ZFHX3: variants seen among roughly 807,000 people sequenced by gnomAD.
ZFHX3 encodes zinc finger homeobox protein 3.
Under a neutral mutation model 279.1 loss-of-function variants are expected in ZFHX3, and 42 were observed. The ratio of observed to expected loss-of-function variants is 0.15; its 90% CI spans 0.12 to 0.19. The LOEUF is 0.19. Among genes scored for constraint, ZFHX3 ranks in the 10% least tolerant of loss-of-function variants. The pLI, the probability that ZFHX3 is intolerant of heterozygous loss-of-function variation, is 1.00. For synonymous variants in ZFHX3, 2,293 were observed against 1,957.8 expected (o/e 1.17, Z -4.52); for missense variants, 4,981 against 4,754.0 (o/e 1.05, Z -1.40).
chr16:73,813,197 C>A (rs1960470842), intron 1 of ZFHX3, among the ~76,000 whole-genome samples: 1 of 151,856 alleles, frequency 6.6e-6, no homozygotes, highest in South Asian at 2.1e-4. Flanking sequence ...TCCTCATCCC[C>A]TGCCAACTGT....
At chr16:73,780,270 C>T (rs2142302588) in intron 1 of ZFHX3, among the ~76,000 whole-genome samples, 1 of 151,096 alleles carries the variant, frequency 6.6e-6, no homozygotes, top group South Asian at 2.1e-4. Flanking sequence ...GCCTCAGCCT[C>T]CTGAGTAGCT....
intron 1 of ZFHX3, among the ~76,000 whole-genome samples, chr16:73,012,334 A>T (rs906803365): frequency 3.3e-5 from 5 of 152,208 alleles, no homozygotes; most frequent in Non-Finnish European, 7.3e-5. Context: ...CAAATTTTCT[A>T]CTACAAGTGA....
chr16:73,388,442 T>C (rs982714966), intron 3 of ZFHX3, among the ~76,000 whole-genome samples: 4 of 152,172 alleles, frequency 2.6e-5, no homozygotes, highest in African/African-American at 9.6e-5. Context: ...ACCTTGAAAC[T>C]ATATAACCAT....
intron 3 of ZFHX3, among the ~76,000 whole-genome samples, chr16:73,320,858 C>G (rs766388947): frequency 6.6e-6 from 1 of 152,148 alleles, no homozygotes; most frequent in Non-Finnish European, 1.5e-5. Flanking sequence ...GCCTTCACAC[C>G]GGCAAATGTC....
chr16:73,268,567 T>C (rs2014049205), intron 4 of ZFHX3, among the ~76,000 whole-genome samples: 1 of 152,224 alleles, frequency 6.6e-6, no homozygotes, highest in Admixed American at 6.5e-5. Flanking sequence ...ACTTGCTTGT[T>C]TTCATCCAAT....
At chr16:73,127,726 T>C (rs574261025) in intron 7 of ZFHX3, 1 of 825,948 alleles carries the variant, frequency 1.2e-6, no homozygotes, top group South Asian at 1.7e-5. Flanking sequence ...TTGAAACTAA[T>C]GGCTGCAGAG....
intron 5 of ZFHX3, among the ~76,000 whole-genome samples, chr16:73,175,280 T>C (rs556518423): frequency 4.0e-5 from 6 of 149,258 alleles, no homozygotes; most frequent in African/African-American, 1.2e-4. Flanking sequence ...CTTGAGATGC[T>C]GAGGCAGGAG....
At chr16:73,679,533 T>C (rs1471066652) in intron 2 of ZFHX3, 3 of 152,144 alleles carry the variant, frequency 2.0e-5, no homozygotes, top group East Asian at 1.9e-4. Context: ...TTTTCTCTTA[T>C]GTAAAACAAA....
intron 2 of ZFHX3, among the ~76,000 whole-genome samples, chr16:73,561,756 A>C (rs2020372965): frequency 6.6e-6 from 1 of 152,186 alleles, no homozygotes; most frequent in Admixed American, 6.5e-5. Flanking sequence ...TATTCCTCAA[A>C]AGGAAACAAA....
intron 5 of ZFHX3, among the ~76,000 whole-genome samples, chr16:73,191,510 C>A (rs756824559): frequency 2.0e-5 from 3 of 152,106 alleles, no homozygotes. Flanking sequence ...TTGGAGAAAG[C>A]TTTGACGTAA....
intron 2 of ZFHX3, among the ~76,000 whole-genome samples, chr16:73,634,262 C>G (rs1334685884): frequency 1.3e-5 from 2 of 151,574 alleles, no homozygotes; most frequent in African/African-American, 4.8e-5. Context: ...ATTTTCTTCT[C>G]TGCCAAAAAG....
intron 5 of ZFHX3, among the ~76,000 whole-genome samples, chr16:73,209,527 C>T (rs2011934472): frequency 6.6e-6 from 1 of 152,200 alleles, no homozygotes; most frequent in African/African-American, 2.4e-5. Context: ...AGCAAACCCA[C>T]TTCCACAAGC....
chr16:73,127,588 G>C, intron 7 of ZFHX3: 1 of 1,304,076 alleles, frequency 7.7e-7, no homozygotes, highest in Non-Finnish European at 1.0e-6. Flanking sequence ...GACAGCCACT[G>C]ACCACGGAGC....
At chr16:73,446,517 A>G (rs2041976706) in intron 3 of ZFHX3, among the ~76,000 whole-genome samples, 1 of 152,218 alleles carries the variant, frequency 6.6e-6, no homozygotes, top group South Asian at 2.1e-4. Flanking sequence ...ATCTCCCACA[A>G]GGTCCCTCCC....
intron 5 of ZFHX3, among the ~76,000 whole-genome samples, chr16:73,220,578 T>C (rs2012380327): frequency 6.6e-6 from 1 of 152,178 alleles, no homozygotes; most frequent in Non-Finnish European, 1.5e-5. Context: ...GTGTGCATTA[T>C]TTTCTAAAAT....
intron 2 of ZFHX3, among the ~76,000 whole-genome samples, chr16:73,644,710 A>G (rs988879849): frequency 5.9e-5 from 9 of 152,066 alleles, no homozygotes; most frequent in African/African-American, 2.2e-4. Flanking sequence ...AGTTTCCAGT[A>G]TAAGACACAT....
At position 73,452,329 on chromosome 16, in the gene ZFHX3, T is replaced by C. The variant is rs1423893994; in HGVS notation, c.-1291+3674A>G. On this transcript the variant is annotated intron_variant, in intron 3 of 17. Coordinates refer to the ZFHX3 transcript ENST00000641206. ...TATTCTCACTGAAACATTAATGAGA[T>C]TTTAATTTACTGCTTTAAAAACACA... is the stretch of plus-strand genomic sequence containing the variant. Among the ~76,000 whole-genome samples, 3 of 152,168 alleles carry C rather than the reference T, an allele frequency of 2.0e-5. No homozygotes were observed. The East Asian group carries it at 5.8e-4, about 29-fold the overall frequency.
chr16:72,954,019 C>T (rs368280994), intron 2 of ZFHX3, among the ~76,000 whole-genome samples: 2 of 152,330 alleles, frequency 1.3e-5, no homozygotes, highest in South Asian at 4.1e-4. Flanking sequence ...GCTAATCCAG[C>T]TGCCACAAAG....
intron 4 of ZFHX3, among the ~76,000 whole-genome samples, chr16:73,312,058 A>G (rs2015341316): frequency 6.6e-6 from 1 of 152,194 alleles, no homozygotes; most frequent in South Asian, 2.1e-4. Context: ...GTGGTGTGTG[A>G]CGTATTTTAA....
Sources: allele counts gnomAD v4.1 joint callset (sites outside exome capture counted in the v4.1 genomes callset), GRCh38; gene constraint gnomAD v4.1.1; transcripts MANE v1.5; gene names NCBI Gene and HGNC (gene_info 2026-07-23, HGNC 2026-07-21).